The following STX8 variants were observed in gnomAD, a reference collection of about 807,000 sequenced individuals.
STX8 encodes the protein syntaxin 8.
STX8 carries 23 observed loss-of-function variants against 37.5 expected under a neutral mutation model. That is an observed-to-expected ratio of 0.61 (90% confidence interval 0.44 to 0.87). The LOEUF is 0.87. Among genes scored for constraint, STX8 ranks in the 40% least tolerant of loss-of-function variants. The probability of loss-of-function intolerance (pLI) is 0.00; values close to 1 mark genes in which losing one functional copy is unlikely to be tolerated. For missense variants in STX8, 313 were observed against 284.7 expected, an observed-to-expected ratio of 1.10 and a Z score of -0.71; for synonymous variants, 115 against 99.1, an observed-to-expected ratio of 1.16 and a Z score of -0.95.
In STX8 at chr17:9,430,004, AT is replaced by A. The variant is rs1412410689; in HGVS notation, c.542-51352del. On this transcript the variant is annotated intron_variant, in intron 6 of 7. Coordinates refer to ENST00000306357, the MANE Select transcript of STX8 (RefSeq NM_004853.3). ...AGAATATATTATATATAATATATAT[AT>A]TATATATTATATATTATATATAATA... Among the ~76,000 whole-genome samples, 3 of 16,658 alleles carry A rather than the reference AT, an allele frequency of 1.8e-4. 1 individual carries two copies. The highest frequency in any genetic ancestry group is 5.7e-4 in the African/African-American group (2 of 3,492). 10.9% of individuals were successfully genotyped at this position (16,658 alleles called of 152,430 possible). A position where few individuals can be genotyped will look rare whatever the true frequency, so the allele number is the denominator to read the frequency against.
chr17:9,342,412 G>A (rs1162713348), intron 7 of STX8, among the ~76,000 whole-genome samples: 3 of 152,302 alleles, frequency 2.0e-5, no homozygotes, highest in Admixed American at 6.5e-5. Context: ...CCAGTGGGGG[G>A]CCCTTCAGAG....
intron 7 of STX8, among the ~76,000 whole-genome samples, chr17:9,259,827 CG>C (rs1597569319): frequency 6.6e-6 from 1 of 151,968 alleles, no homozygotes; most frequent in African/African-American, 2.4e-5. Context: ...TTCAGCTACG[CG>C]GGAGAAAAGG....
Position 9,361,206 on chromosome 17 carries a change from GA to G in STX8, c.643+17345del, listed in dbSNP as rs934071650. Among the ~76,000 whole-genome samples, 466 of 151,582 alleles carry G rather than the reference GA, an allele frequency of 3.1e-3. 4 individuals carry two copies. The highest frequency in any genetic ancestry group is 0.011 in the African/African-American group (438 of 41,332). ...TAATGGATCCCTAGAGCTGATTAAAGAAAAAAAAATTATTAATGCAACATCT... is the reference window on the plus strand; with the variant it reads ...TAATGGATCCCTAGAGCTGATTAAAGAAAAAAAATTATTAATGCAACATCT... On this transcript the variant is annotated intron_variant, in intron 7 of 7. Coordinates refer to ENST00000306357, the MANE Select transcript of STX8 (RefSeq NM_004853.3).
intron 6 of STX8, among the ~76,000 whole-genome samples, chr17:9,382,980 A>C (rs1253257876): frequency 6.6e-6 from 1 of 152,154 alleles, no homozygotes; most frequent in Non-Finnish European, 1.5e-5. Context: ...GATGAGAGTA[A>C]AGCCCGTATG....
In STX8 at chr17:9,250,541, T is replaced by C. The variant is rs1036081048; in HGVS notation, c.*37A>G. On this transcript the variant is annotated 3_prime_UTR_variant, in exon 8 of 8. Transcript: ENST00000306357. ...AAGGGTGTTGGGCTTGCATCTGTCA[T>C]TGGCAGGTGTCACTGCTGGTGGTCT... The C allele has an allele frequency of 7.1e-6, 11 of 1,556,454 alleles. No homozygotes were observed. The highest frequency in any genetic ancestry group is 2.4e-5 in the South Asian group (2 of 85,046).
At chr17:9,487,750 G>C (rs1336901670) in intron 6 of STX8, among the ~76,000 whole-genome samples, 2 of 152,196 alleles carry the variant, frequency 1.3e-5, no homozygotes, top group Non-Finnish European at 2.9e-5. Context: ...CAGCAAAAGG[G>C]ATAGGGGCAA....
In STX8 at chr17:9,545,189, G is replaced by A. The variant is rs762072197; in HGVS notation, c.306C>T (p.Ala102=). Residue 102 remains alanine, a synonymous_variant, in exon 4 of 8, where the codon GCC becomes GCT. Coordinates refer to ENST00000306357, the MANE Select transcript of STX8 (RefSeq NM_004853.3). ...CATCCTACCTGATTAGATCTGGTTC[G>A]GCACCCTCATTCTTAAAGGATGCCA... The part of the protein sequence containing the change: ...LLLASFKNEG[A]EPDLIRSSLM... 105 of 1,613,414 alleles carry A rather than the reference G, an allele frequency of 6.5e-5. 1 individual carries two copies. In the Middle Eastern group the frequency reaches 9.9e-4, roughly 15 times the overall value.
chr17:9,456,396 G>T (rs1304381958), intron 6 of STX8, among the ~76,000 whole-genome samples: 1 of 152,154 alleles, frequency 6.6e-6, no homozygotes, highest in Non-Finnish European at 1.5e-5. Context: ...TTGATCTTTG[G>T]CCTCTCTGAT....
intron 7 of STX8, among the ~76,000 whole-genome samples, chr17:9,281,948 G>C (rs1039408126): frequency 6.6e-6 from 1 of 152,118 alleles, no homozygotes; most frequent in African/African-American, 2.4e-5. Context: ...CTCAGGTATG[G>C]GTCTAGCATC....
chr17:9,539,548 G>A (rs371764110), intron 4 of STX8, among the ~76,000 whole-genome samples: 5 of 152,282 alleles, frequency 3.3e-5, no homozygotes, highest in Admixed American at 6.5e-5. Context: ...TAGTGAGCAC[G>A]TCTATAACAT....
intron 4 of STX8, among the ~76,000 whole-genome samples, chr17:9,519,001 T>A (rs1905242361): frequency 6.6e-6 from 1 of 152,100 alleles, no homozygotes. Context: ...GGGAGGGACG[T>A]GCTCTCCTTC....
At chr17:9,495,191 T>C (rs1904338254) in intron 5 of STX8, among the ~76,000 whole-genome samples, 1 of 152,212 alleles carries the variant, frequency 6.6e-6, no homozygotes, top group Admixed American at 6.5e-5. Context: ...GTACTTTTTT[T>C]AACTATACAA....
chr17:9,566,031 T>C (rs1025274298), intron 2 of STX8, among the ~76,000 whole-genome samples: 6 of 152,146 alleles, frequency 3.9e-5, no homozygotes, highest in Non-Finnish European at 8.8e-5. Flanking sequence ...AACCTACACA[T>C]TGTGAGAAAA....
chr17:9,330,817 C>A (rs891303259), intron 7 of STX8, among the ~76,000 whole-genome samples: 4 of 152,212 alleles, frequency 2.6e-5, no homozygotes, highest in Non-Finnish European at 5.9e-5. Flanking sequence ...CCCCTACAGA[C>A]AAAGCCAGCA....
At chr17:9,449,329 G>A (rs940103802) in intron 6 of STX8, among the ~76,000 whole-genome samples, 1 of 152,222 alleles carries the variant, frequency 6.6e-6, no homozygotes, top group African/African-American at 2.4e-5. Context: ...GGGAGGCCAA[G>A]GCGAGCGGAT....
rs1904875130 is a variant in STX8, at chr17:9,507,319, G to A, written c.324-2157C>T. On this transcript the variant is annotated intron_variant, in intron 4 of 7. Transcript: ENST00000306357. This position sits in a 1 kb window ranked among gnomAD's most constrained non-coding sequence, Gnocchi z 4.0. ...AGCCATGTGTCCATATCTCAGGCCT[G>A]AAAAACAGCCCATGGGTCACCCCTA... Among the ~76,000 whole-genome samples, 1 of 152,010 alleles carries A rather than the reference G, an allele frequency of 6.6e-6. No individual in the cohort carries two copies. The highest frequency in any genetic ancestry group is 6.6e-5 in the Admixed American group (1 of 15,266).
chr17:9,490,464 T>C (rs1387509458), intron 6 of STX8, among the ~76,000 whole-genome samples: 1 of 152,086 alleles, frequency 6.6e-6, no homozygotes, highest in Non-Finnish European at 1.5e-5. Flanking sequence ...CTCCGCCTCC[T>C]GGGTTCTAGC....
intron 6 of STX8, among the ~76,000 whole-genome samples, chr17:9,397,928 C>T (rs1912461323): frequency 1.4e-5 from 2 of 145,204 alleles, no homozygotes. Context: ...GCAGAGGTTG[C>T]CGTGAGCCGA....
chr17:9,501,770 G>A (rs1406839302), intron 5 of STX8, among the ~76,000 whole-genome samples: 2 of 151,866 alleles, frequency 1.3e-5, no homozygotes, highest in African/African-American at 4.8e-5. Context: ...TCAGGAGATC[G>A]AAACCAGCAT....
Sources: allele counts gnomAD v4.1 joint callset (sites outside exome capture counted in the v4.1 genomes callset), GRCh38; gene constraint gnomAD v4.1.1; non-coding constraint Gnocchi (gnomAD v3.1); transcripts MANE v1.5; gene names NCBI Gene and HGNC (gene_info 2026-07-23, HGNC 2026-07-21).